The following INSR variants were observed in gnomAD, a reference collection of about 807,000 sequenced individuals.
INSR encodes insulin receptor, also known as IR.
A neutral mutation model predicts 142.6 loss-of-function variants in INSR; 67 were observed. The observed-to-expected ratio is 0.47, with a 90% CI of 0.39 to 0.58. The LOEUF is 0.58. Ranked by LOEUF, INSR falls within the 20% of genes least tolerant of loss-of-function variation. INSR has a pLI of 0.00. For missense variants in INSR, 1,248 were observed against 1,833.2 expected (o/e 0.68, Z 5.83); for synonymous variants, 756 against 743.1 (o/e 1.02, Z -0.28).
intron 2 of INSR, among the ~76,000 whole-genome samples, chr19:7,265,991 G>A (rs984055021): frequency 6.6e-6 from 1 of 152,120 alleles, no homozygotes; most frequent in African/African-American, 2.4e-5. Flanking sequence ...TTTTGCAAAA[G>A]CTACTGAGGT....
chr19:7,135,976 AAAAG>A (rs904329252), intron 13 of INSR, among the ~76,000 whole-genome samples: 7 of 146,524 alleles, frequency 4.8e-5, no homozygotes, highest in Non-Finnish European at 7.4e-5. Context: ...TCAAAAAAAA[AAAAG>A]AAAGAATGAA....
At chr19:7,201,852 G>A (rs906192487) in intron 2 of INSR, among the ~76,000 whole-genome samples, 36 of 151,736 alleles carry the variant, frequency 2.4e-4, no homozygotes, top group African/African-American at 8.5e-4. Context: ...TAGTAGAGAC[G>A]GGGTTTCACC....
chr19:7,152,054 C>G (rs3943875), intron 10 of INSR: 109,162 of 151,380 alleles, frequency 0.72, 42,128 homozygotes, highest in Non-Finnish European at 0.88. Flanking sequence ...GGCTTCCCAA[C>G]TAGCTGGGAC....
intron 2 of INSR, among the ~76,000 whole-genome samples, chr19:7,223,925 C>T (rs938498666): frequency 5.3e-5 from 8 of 150,648 alleles, no homozygotes; most frequent in Admixed American, 3.3e-4. Flanking sequence ...CTCTAAGCCA[C>T]CAGAATAGAC....
At chr19:7,163,867 A>G (rs968864386) in intron 8 of INSR, among the ~76,000 whole-genome samples, 2 of 142,452 alleles carry the variant, frequency 1.4e-5, no homozygotes, top group East Asian at 4.2e-4. Flanking sequence ...CATCTGAATC[A>G]CCTGAGATCA....
intron 13 of INSR, chr19:7,141,414 G>A (rs1253134718): frequency 5.9e-6 from 3 of 510,896 alleles, no homozygotes; most frequent in Non-Finnish European, 1.1e-5. Context: ...CTCCTGTTGT[G>A]GTGGGAGGCA....
chr19:7,197,376 TC>T (rs1430269099), intron 2 of INSR, among the ~76,000 whole-genome samples: 5 of 152,302 alleles, frequency 3.3e-5, no homozygotes, highest in African/African-American at 1.2e-4. Flanking sequence ...AGTGAGTCCG[TC>T]CACGGGGGCG....
intron 14 of INSR, among the ~76,000 whole-genome samples, chr19:7,130,486 T>A (rs1403031000): frequency 6.6e-6 from 1 of 152,152 alleles, no homozygotes; most frequent in African/African-American, 2.4e-5. Context: ...GGGAGGTGAT[T>A]GGATCATGGA....
chr19:7,213,358 A>AC (rs1395171723), intron 2 of INSR, among the ~76,000 whole-genome samples: 10 of 137,362 alleles, frequency 7.3e-5, no homozygotes, highest in African/African-American at 1.3e-4. Context: ...AAAAAAAAAA[A>AC]ACAAACAAAA....
At chr19:7,207,929 G>A (rs1568486911) in intron 2 of INSR, among the ~76,000 whole-genome samples, 1 of 121,694 alleles carries the variant, frequency 8.2e-6, no homozygotes, top group African/African-American at 3.1e-5. Context: ...AGGAAGGAAG[G>A]AAGGAAGGAA....
At chr19:7,273,596 G>A (rs1317973729) in intron 1 of INSR, among the ~76,000 whole-genome samples, 1 of 150,862 alleles carries the variant, frequency 6.6e-6, no homozygotes, top group Non-Finnish European at 1.5e-5. Flanking sequence ...TTGGCTTGCT[G>A]CAAACTCCAC....
intron 1 of INSR, among the ~76,000 whole-genome samples, chr19:7,274,047 T>A (rs1249967583): frequency 1.3e-5 from 2 of 150,936 alleles, no homozygotes; most frequent in African/African-American, 2.4e-5. Context: ...AAAAAAAAAA[T>A]GATTAATGAG....
At chr19:7,238,298 AG>A (rs1249169549) in intron 2 of INSR, among the ~76,000 whole-genome samples, 2 of 152,152 alleles carry the variant, frequency 1.3e-5, no homozygotes, top group African/African-American at 4.8e-5. Flanking sequence ...CACGGGCAGG[AG>A]ATGGACTTTC....
At position 7,131,610 on chromosome 19, in the gene INSR, T is replaced by C. The variant is rs1009167242; in HGVS notation, c.2842+548A>G. ...ATCTGCCCGCCTCGGCCTCCCAAAG[T>C]GCTGGGATTACAGGTGTGAGCCACC... On this transcript the variant is annotated intron_variant, in intron 14 of 21. Transcript: ENST00000302850. Among the ~76,000 whole-genome samples, 6 of 149,614 alleles carry C rather than the reference T, an allele frequency of 4.0e-5. No individual in the cohort carries two copies. In the East Asian group the frequency reaches 1.0e-3, roughly 25 times the overall value.
At chr19:7,227,227 A>T (rs922351806) in intron 2 of INSR, among the ~76,000 whole-genome samples, 13 of 152,118 alleles carry the variant, frequency 8.5e-5, no homozygotes, top group Admixed American at 6.5e-4. Context: ...TCTGGAACAA[A>T]GAACTGTGTG....
At chr19:7,242,204 G>A (rs932457441) in intron 2 of INSR, among the ~76,000 whole-genome samples, 2 of 151,106 alleles carry the variant, frequency 1.3e-5, no homozygotes, top group African/African-American at 4.9e-5. Context: ...AAAGGAGAAA[G>A]AGAAGGAGAA....
intron 13 of INSR, among the ~76,000 whole-genome samples, chr19:7,132,683 C>A (rs1411465652): frequency 6.6e-6 from 1 of 151,764 alleles, no homozygotes; most frequent in African/African-American, 2.4e-5. Flanking sequence ...CCTCTGCCTC[C>A]CGGGTTCAAG....
At position 7,228,100 on chromosome 19, in the gene INSR, T is replaced by C. The variant is rs116336808; in HGVS notation, c.652+39245A>G. ...CCTAAGGCCATTTGTCCCTCTTCAC[T>C]GTGGTACAGGGTGGTTCTGAAACGC... On this transcript the variant is annotated intron_variant, in intron 2 of 21. Transcript: ENST00000302850. Among the ~76,000 whole-genome samples the C allele has an allele frequency of 4.2e-3, 641 of 152,268 alleles. 4 individuals are homozygous for C. Among genetic ancestry groups the C allele is most frequent in the African/African-American group, 0.015 (608 of 41,550 alleles).
intron 1 of INSR, chr19:7,268,548 A>T (rs1967812563): frequency 1.0e-6 from 1 of 985,040 alleles, no homozygotes; most frequent in Non-Finnish European, 1.2e-6. Context: ...TTCCCTCAAG[A>T]TTCTGCCCCT....
Sources: allele counts gnomAD v4.1 joint callset (sites outside exome capture counted in the v4.1 genomes callset), GRCh38; gene constraint gnomAD v4.1.1; transcripts MANE v1.5; gene names NCBI Gene and HGNC (gene_info 2026-07-23, HGNC 2026-07-21).